Variants in SLC38A7 observed in about 807,000 individuals in gnomAD.
The protein encoded by SLC38A7 is solute carrier family 38 member 7.
Under a neutral mutation model 50.1 loss-of-function variants are expected in SLC38A7, and 29 were observed. The ratio of observed to expected loss-of-function variants is 0.58; its 90% CI spans 0.43 to 0.79. The LOEUF is 0.79. Ranked by LOEUF, SLC38A7 falls within the 30% of genes least tolerant of loss-of-function variation. The pLI is 0.00. For missense variants in SLC38A7, 483 were observed against 610.6 expected (o/e 0.79, Z 2.20); for synonymous variants, 244 against 245.9 (o/e 0.99, Z 0.07).
intron 11 of SLC38A7, 76 bp from the exon 12 acceptor site, chr16:58,667,563 T>A: frequency 9.3e-7 from 1 of 1,074,246 alleles, no homozygotes; most frequent in Non-Finnish European, 1.3e-6. Flanking sequence ...ATATAACTGT[T>A]AATTACTGTA....
chr16:58,682,635 AT>A (rs11292515), intron 2 of SLC38A7, among the ~76,000 whole-genome samples: 5,341 of 143,300 alleles, frequency 0.037, 274 homozygotes, highest in African/African-American at 0.11. Flanking sequence ...AACTTTTAAA[AT>A]TTTTTTTTTT....
chr16:58,668,372 C>T (rs1026178999), intron 11 of SLC38A7, among the ~76,000 whole-genome samples: 1 of 152,064 alleles, frequency 6.6e-6, no homozygotes, highest in Admixed American at 6.6e-5. Flanking sequence ...GTCAGGAGTT[C>T]GAGATCAGCC....
At chr16:58,673,298 C>T (rs1292067759) in intron 8 of SLC38A7, among the ~76,000 whole-genome samples, 1 of 149,832 alleles carries the variant, frequency 6.7e-6, no homozygotes, top group Non-Finnish European at 1.5e-5. Flanking sequence ...TGCAGTGGTG[C>T]GATTTCAGCT....
chr16:58,671,656 G>A (rs2044162509), intron 9 of SLC38A7: 1 of 226,688 alleles, frequency 4.4e-6, no homozygotes, highest in South Asian at 8.4e-5. Context: ...TGAACTCCTG[G>A]GCTCCAGCCA....
At position 58,679,976 on chromosome 16, in the gene SLC38A7, T is replaced by G; in HGVS notation, c.151A>C (p.Thr51Pro). 6.2e-7 allele frequency: 1 copy of G among 1,612,478 alleles called. No individual in the cohort carries two copies. Among genetic ancestry groups the G allele is most frequent in the South Asian group, 1.1e-5 (1 of 90,764 alleles). The change falls in exon 3 of 12, where the codon ACT becomes CCT. Residue 51 changes from threonine to proline, a missense_variant. Transcript: ENST00000219320. ...ASPGGLDRGT[T>P]STLGAIFIVV... The stretch of plus-strand genomic sequence containing the variant: ...ATGAAGATGGCCCCAAGTGTGGAAG[T>G]GGTGCCTCTGTCCAGACCCCCAGGA...
chr16:58,678,721 G>A lies in SLC38A7; in HGVS notation c.444C>T (p.Ile148=), dbSNP rs150914558. 4.3e-6 allele frequency: 7 copies of A among 1,613,992 alleles called. No individual in the cohort carries two copies. The East Asian group carries it at 1.3e-4, about 31-fold the overall frequency. ...TCTTGTCCTGCTGGTCGCCAATGAT[G>A]ATTAGGAAGGCAATGCAGGTGCCAA... is the stretch of plus-strand genomic sequence containing the variant. The part of the protein sequence containing the change: ...YTFGTCIAFL[I]IIGDQQDKII... Residue 148 remains isoleucine (I), a synonymous_variant, in exon 4 of 12, where the codon ATC becomes ATT. Transcript: ENST00000219320. This position sits in a 1 kb window ranked among gnomAD's most constrained non-coding sequence, Gnocchi z 4.0.
chr16:58,672,275 C>G (rs1425796216), intron 8 of SLC38A7, 32 bp from the exon 9 acceptor site: 2 of 1,562,330 alleles, frequency 1.3e-6, no homozygotes, highest in Non-Finnish European at 1.7e-6. Context: ...TCAGGGCAAC[C>G]CTGGGAGGGT....
rs368803190 is a variant in SLC38A7 at position 58,676,001 on chromosome 16, C to T, written c.822G>A (p.Lys274=). 1.4e-5 allele frequency: 23 copies of T among 1,613,418 alleles called. No homozygotes were observed. The highest frequency in any genetic ancestry group is 1.9e-5 in the Non-Finnish European group (23 of 1,179,674). ...CAGCTGTCACCACTCCACCCCAGGT[C>T]TTCACTTCAGGCTGCTGCATGCTGT... ...VFNSMQQPEV[K]TWGGVVTAAM... The change falls in exon 8 of 12, where the codon AAG becomes AAA. Residue 274 remains lysine, a synonymous_variant. Coordinates refer to ENST00000219320, the MANE Select transcript of SLC38A7 (RefSeq NM_018231.3).
chr16:58,675,349 A>G (rs2044244607), intron 8 of SLC38A7: 1 of 359,314 alleles, frequency 2.8e-6, no homozygotes, highest in African/African-American at 5.0e-5. Flanking sequence ...TCTGCTAGAA[A>G]AAAAAAAAAA....
intron 11 of SLC38A7, among the ~76,000 whole-genome samples, chr16:58,669,071 A>ATT (rs919889078): frequency 9.2e-6 from 1 of 109,002 alleles, no homozygotes; most frequent in South Asian, 3.0e-4. Context: ...TGCCTGGCCA[A>ATT]TTTTTTTTCT....
At chr16:58,676,496 A>G in intron 6 of SLC38A7, 150 bp from the exon 7 acceptor site, 1 of 814,864 alleles carries the variant, frequency 1.2e-6, no homozygotes, top group South Asian at 1.6e-5. Context: ...CAGGGAGAAG[A>G]GGCATCCTTA....
At chr16:58,677,726 G>A in intron 5 of SLC38A7, 1 of 402,680 alleles carries the variant, frequency 2.5e-6, no homozygotes, top group South Asian at 2.8e-5. Context: ...CCTGGGACTT[G>A]AATCAGAGCA....
intron 8 of SLC38A7, 137 bp downstream of exon 8, chr16:58,675,803 C>G: frequency 1.5e-6 from 1 of 658,594 alleles, no homozygotes; most frequent in Non-Finnish European, 2.6e-6. Flanking sequence ...CCAGGCAGGC[C>G]AAGTTCAAGC....
At chr16:58,676,260 A>G in intron 7 of SLC38A7, 29 bp downstream of exon 7, 1 of 1,614,146 alleles carries the variant, frequency 6.2e-7, no homozygotes, top group Non-Finnish European at 8.5e-7. Context: ...CTAAGGGGAC[A>G]GCAGGGACCT....
At chr16:58,668,185 C>T (rs1051335332) in intron 11 of SLC38A7, among the ~76,000 whole-genome samples, 4 of 150,640 alleles carry the variant, frequency 2.7e-5, no homozygotes, top group Middle Eastern at 3.4e-3. Context: ...TGTCTATAAT[C>T]CCAGCACTTT....
chr16:58,671,008 C>T lies in SLC38A7; in HGVS notation c.1231+37G>A, dbSNP rs1300014838. ...GCTAGGCAGGCCCTGGGAGTCTGTG[C>T]TGTGGGGCTGTGAGATGGGGCGCCA... On this transcript the variant is annotated intron_variant, in intron 10 of 11. Transcript: ENST00000219320. 2.6e-6 allele frequency: 4 copies of T among 1,555,998 alleles called. No individual in the cohort carries two copies. The East Asian group carries it at 7.3e-5, about 28-fold the overall frequency.
At chr16:58,680,288 A>G in intron 2 of SLC38A7, 47 bp from the exon 3 acceptor site, 2 of 748,724 alleles carry the variant, frequency 2.7e-6, no homozygotes, top group South Asian at 4.3e-5. Flanking sequence ...AGATGGGGGA[A>G]CTAGGGGACA....
At position 58,678,487 on chromosome 16, in the gene SLC38A7, GA is replaced by G; in HGVS notation, c.470-14del. The G allele has an allele frequency of 6.5e-7, 1 of 1,546,434 alleles. No individual in the cohort carries two copies. The highest frequency in any genetic ancestry group is 8.7e-7 in the Non-Finnish European group (1 of 1,143,902). ...ATCACAGCTATAACTGCACAGGGAG[GA>G]AGGAGGGAATGTCAAGCCAGGCCAC... On this transcript the variant is annotated splice_polypyrimidine_tract_variant and intron_variant, in intron 4 of 11. Coordinates refer to ENST00000219320, the MANE Select transcript of SLC38A7 (RefSeq NM_018231.3). The surrounding 1 kb of genome is among the most constrained non-coding windows in gnomAD (Gnocchi z 4.0).
At chr16:58,677,507 C>T (rs901109553) in intron 5 of SLC38A7, 83 bp from the exon 6 acceptor site, 2 of 1,193,278 alleles carry the variant, frequency 1.7e-6, no homozygotes, top group African/African-American at 1.5e-5. Flanking sequence ...ACCTTCAGCT[C>T]TAGCGACCAC....
Sources: allele counts gnomAD v4.1 joint callset (sites outside exome capture counted in the v4.1 genomes callset), GRCh38; gene constraint gnomAD v4.1.1; non-coding constraint Gnocchi (gnomAD v3.1); transcripts MANE v1.5; gene names NCBI Gene and HGNC (gene_info 2026-07-23, HGNC 2026-07-21).